The following UBA6 variants were observed in gnomAD, a reference collection of about 807,000 sequenced individuals.
UBA6 encodes ubiquitin like modifier activating enzyme 6, also known as ubiquitin-like modifier-activating enzyme 6.
A neutral mutation model predicts 148.3 loss-of-function variants in UBA6; 87 were observed. That is an observed-to-expected ratio of 0.59 (90% CI 0.49 to 0.70). UBA6 has a LOEUF of 0.70. Among genes scored for constraint, UBA6 ranks in the 30% least tolerant of loss-of-function variants. UBA6 has a pLI of 0.00. For missense variants in UBA6, 1,186 were observed against 1,241.2 expected, an observed-to-expected ratio of 0.96 and a Z score of 0.67; for synonymous variants, 376 against 401.0, an observed-to-expected ratio of 0.94 and a Z score of 0.75.
At chr4:67,688,533 T>G (rs1730623151) in intron 2 of UBA6, among the ~76,000 whole-genome samples, 1 of 151,854 alleles carries the variant, frequency 6.6e-6, no homozygotes, top group Non-Finnish European at 1.5e-5. Flanking sequence ...ATAAAACCCC[T>G]TTGAGAGAGA....
At chr4:67,663,825 C>T (rs1433489971) in intron 11 of UBA6, 60 bp downstream of exon 11, 2 of 1,383,428 alleles carry the variant, frequency 1.4e-6, no homozygotes, top group African/African-American at 1.4e-5. Context: ...TTCATAATCA[C>T]TCACTAATTC....
intron 1 of UBA6, among the ~76,000 whole-genome samples, chr4:67,700,626 CAA>C (rs1455238526): frequency 6.6e-6 from 1 of 151,464 alleles, no homozygotes; most frequent in African/African-American, 2.4e-5. Flanking sequence ...TAATAGTTTT[CAA>C]AAGAGGATCT....
At chr4:67,678,788 C>T (rs1234645798) in intron 4 of UBA6, among the ~76,000 whole-genome samples, 1 of 152,128 alleles carries the variant, frequency 6.6e-6, no homozygotes, top group Non-Finnish European at 1.5e-5. Context: ...GAATGAGCGA[C>T]TCTCATTATT....
At chr4:67,673,418 GA>G (rs566565882) in intron 7 of UBA6, among the ~76,000 whole-genome samples, 1,936 of 102,142 alleles carry the variant, frequency 0.019, 28 homozygotes, top group African/African-American at 0.06. Flanking sequence ...TCTGTCTCGG[GA>G]AAAAAAAAAA....
chr4:67,697,119 C>T (rs1344428354), intron 1 of UBA6, among the ~76,000 whole-genome samples: 4 of 152,152 alleles, frequency 2.6e-5, no homozygotes, highest in African/African-American at 9.7e-5. Context: ...GATTTTCATG[C>T]CTCAGCCTCC....
chr4:67,636,648 C>T lies in UBA6; in HGVS notation c.1737-1090G>A, dbSNP rs113633462. Reference sequence around the variant, plus strand: ...ACAGTGAGTGATCTGCCAGCCTCGGCCTCCCGAAGTGCTGGGATTGCAGAC... The same window carrying T: ...ACAGTGAGTGATCTGCCAGCCTCGGTCTCCCGAAGTGCTGGGATTGCAGAC... On this transcript the variant is annotated intron_variant, in intron 19 of 32. Transcript: ENST00000322244. Among the ~76,000 whole-genome samples the T allele has an allele frequency of 3.9e-5, 6 of 152,390 alleles. 2 individuals are homozygous for T. Among genetic ancestry groups the T allele is most frequent in the African/African-American group, 1.4e-4 (6 of 41,604 alleles).
chr4:67,671,211 G>T (rs1730140574), intron 7 of UBA6, among the ~76,000 whole-genome samples: 1 of 152,086 alleles, frequency 6.6e-6, no homozygotes, highest in South Asian at 2.1e-4. Context: ...TGGGCTTAAA[G>T]CTATTTTTAG....
intron 2 of UBA6, among the ~76,000 whole-genome samples, chr4:67,687,004 A>C (rs1577839393): frequency 3.1e-5 from 4 of 128,296 alleles, no homozygotes; most frequent in Admixed American, 8.1e-5. Context: ...AAAACAACCT[A>C]CCGTTTTTAC....
At chr4:67,679,196 T>C (rs1730365790) in intron 4 of UBA6, among the ~76,000 whole-genome samples, 1 of 152,056 alleles carries the variant, frequency 6.6e-6, no homozygotes, top group Non-Finnish European at 1.5e-5. Flanking sequence ...GAGATAAACA[T>C]ATATACCCAC....
At chr4:67,680,820 C>G (rs1247981130) in intron 4 of UBA6, among the ~76,000 whole-genome samples, 1 of 152,208 alleles carries the variant, frequency 6.6e-6, no homozygotes, top group Non-Finnish European at 1.5e-5. Context: ...AACTGCCACA[C>G]TGTGAACTGC....
In UBA6 at chr4:67,645,919, CATG is replaced by C. The variant is rs779505570; in HGVS notation, c.1395+16_1395+18del. 8 of 1,486,380 alleles carry C rather than the reference CATG, an allele frequency of 5.4e-6. No homozygotes were observed. Among genetic ancestry groups the C allele is most frequent in the Non-Finnish European group, 7.4e-6 (8 of 1,081,222 alleles). The allele number at this position is 1,486,380 out of a possible 1,614,324, so 92.1% of individuals were successfully genotyped here. A position where few individuals can be genotyped will look rare whatever the true frequency, so the allele number is the denominator to read the frequency against. ...GATAGCAGTTTGAACATACTATTCC[CATG>C]ATTATTGATACTTACTAAGAAGATG... is the stretch of plus-strand genomic sequence containing the variant. On this transcript the variant is annotated intron_variant, in intron 16 of 32. Coordinates refer to ENST00000322244, the MANE Select transcript of UBA6 (RefSeq NM_018227.6).
At chr4:67,701,010 A>G in intron 1 of UBA6, 39 bp downstream of exon 1, 1 of 1,604,286 alleles carries the variant, frequency 6.2e-7, no homozygotes, top group Non-Finnish European at 8.5e-7. Flanking sequence ...CCTGGGTCCC[A>G]CCCGCGACCC....
At chr4:67,654,435 C>T (rs571712567) in intron 13 of UBA6, among the ~76,000 whole-genome samples, 3 of 152,236 alleles carry the variant, frequency 2.0e-5, no homozygotes, top group East Asian at 3.9e-4. Flanking sequence ...CCCAGCCAAA[C>T]TAAGCTTCAT....
intron 13 of UBA6, among the ~76,000 whole-genome samples, chr4:67,653,866 C>T (rs1453112839): frequency 1.3e-5 from 2 of 152,270 alleles, no homozygotes; most frequent in South Asian, 2.1e-4. Flanking sequence ...CTGAAAACCA[C>T]AGCACGAGAA....
At chr4:67,634,353 A>C (rs1020579976) in intron 21 of UBA6, 31 bp from the exon 22 acceptor site, 7 of 1,562,266 alleles carry the variant, frequency 4.5e-6, no homozygotes, top group South Asian at 1.2e-5. Flanking sequence ...AAAAAATTAC[A>C]AATAGAAGTC....
chr4:67,680,360 C>A (rs1377985195), intron 4 of UBA6, among the ~76,000 whole-genome samples: 1 of 152,056 alleles, frequency 6.6e-6, no homozygotes, highest in Admixed American at 6.6e-5. Flanking sequence ...ACAGTCTTGC[C>A]AAAAAGAATC....
chr4:67,616,095 T>C lies in UBA6; in HGVS notation c.*2902A>G, dbSNP rs72642349. 58,807 of 395,440 alleles carry C rather than the reference T, an allele frequency of 0.15. 4,556 individuals carry two copies. Among genetic ancestry groups the C allele is most frequent in the Middle Eastern group, 0.23 (358 of 1,570 alleles). 24.5% of individuals were successfully genotyped at this position (395,440 alleles called of 1,614,324 possible). A position where few individuals can be genotyped will look rare whatever the true frequency, so the allele number is the denominator to read the frequency against. On this transcript the variant is annotated 3_prime_UTR_variant, in exon 33 of 33. Transcript: ENST00000322244. ...TCAATAAAAAAACAAAGTTATGACATAGAGCAAAATGAACACATATTATCA... is the reference window on the plus strand; with the variant it reads ...TCAATAAAAAAACAAAGTTATGACACAGAGCAAAATGAACACATATTATCA...
intron 27 of UBA6, among the ~76,000 whole-genome samples, chr4:67,628,309 A>G: frequency 6.6e-6 from 1 of 151,658 alleles, no homozygotes; most frequent in African/African-American, 2.4e-5. Flanking sequence ...AGCCCCAACT[A>G]TCTCTGTAAT....
chr4:67,681,030 G>T (rs188523629), intron 4 of UBA6, among the ~76,000 whole-genome samples: 1 of 152,256 alleles, frequency 6.6e-6, no homozygotes, highest in East Asian at 1.9e-4. Context: ...CTGCAGCCTT[G>T]TAAGAGACTC....
Sources: gnomAD v4.1 joint callset for allele counts (sites outside exome capture counted in the v4.1 genomes callset) on GRCh38, gnomAD v4.1.1 for gene constraint, MANE v1.5 for transcripts, NCBI Gene and HGNC (gene_info 2026-07-23, HGNC 2026-07-21) for gene names.